RBMS3: variants seen among roughly 807,000 people sequenced by gnomAD.
RBMS3 encodes the protein RNA binding motif single stranded interacting protein 3.
A neutral mutation model predicts 66.8 loss-of-function variants in RBMS3; 27 were observed. The observed-to-expected ratio is 0.40, with a 90% CI of 0.30 to 0.56. The LOEUF is 0.56. Ranked by LOEUF, RBMS3 falls within the 20% of genes least tolerant of loss-of-function variation. The pLI is 0.40. For synonymous variants in RBMS3, 188 were observed against 183.0 expected (o/e 1.03, Z -0.22); for missense variants, 513 against 549.5 (o/e 0.93, Z 0.66).
chr3:29,493,168 A>T (rs1480604116), intron 3 of RBMS3, among the ~76,000 whole-genome samples: 1 of 152,236 alleles, frequency 6.6e-6, no homozygotes, highest in Non-Finnish European at 1.5e-5. Context: ...TTAAAATGGT[A>T]GTCATAAAGA....
At chr3:29,311,066 A>G (rs2034344359) in intron 1 of RBMS3, among the ~76,000 whole-genome samples, 2 of 151,916 alleles carry the variant, frequency 1.3e-5, no homozygotes, top group Non-Finnish European at 2.9e-5. Context: ...TCTGTGGTCC[A>G]TGCCATAGGC....
chr3:29,866,953 G>A (rs976622103), intron 6 of RBMS3, among the ~76,000 whole-genome samples: 2 of 152,186 alleles, frequency 1.3e-5, no homozygotes, highest in African/African-American at 4.8e-5. Context: ...CTCTGTATAG[G>A]GCAGAAATGA....
chr3:29,778,979 T>C (rs895852958), intron 6 of RBMS3, among the ~76,000 whole-genome samples: 1 of 151,864 alleles, frequency 6.6e-6, no homozygotes, highest in Admixed American at 6.6e-5. Context: ...CCTTCTTCCC[T>C]ACATGATACA....
At chr3:29,557,344 A>T (rs547375809) in intron 3 of RBMS3, among the ~76,000 whole-genome samples, 110 of 152,318 alleles carry the variant, frequency 7.2e-4, no homozygotes, top group African/African-American at 2.4e-3. Context: ...GTTGTTTTTC[A>T]AGGTAGCCAA....
At chr3:29,934,332 T>C (rs2061210633) in intron 10 of RBMS3, among the ~76,000 whole-genome samples, 1 of 151,980 alleles carries the variant, frequency 6.6e-6, no homozygotes, top group African/African-American at 2.4e-5. Flanking sequence ...GCTTCAGGAC[T>C]TCCATCTTAA....
intron 3 of RBMS3, among the ~76,000 whole-genome samples, chr3:29,505,909 A>C (rs1057210488): frequency 6.6e-6 from 1 of 150,664 alleles, no homozygotes; most frequent in African/African-American, 2.4e-5. Flanking sequence ...ATATTACTAT[A>C]TTGTATGTTG....
intron 3 of RBMS3, among the ~76,000 whole-genome samples, chr3:29,493,597 T>C (rs3821567): frequency 0.044 from 6,774 of 152,248 alleles, 253 homozygotes; most frequent in Admixed American, 0.096. Context: ...TTATTATTAT[T>C]ATCTTAACAT....
intron 3 of RBMS3, among the ~76,000 whole-genome samples, chr3:29,527,695 AT>A (rs2045184741): frequency 6.6e-6 from 1 of 152,172 alleles, no homozygotes; most frequent in Non-Finnish European, 1.5e-5. Flanking sequence ...CTGATTTATA[AT>A]TAGACTTTTC....
At chr3:29,841,638 T>A (rs1481082960) in intron 6 of RBMS3, among the ~76,000 whole-genome samples, 1 of 152,026 alleles carries the variant, frequency 6.6e-6, no homozygotes, top group African/African-American at 2.4e-5. Flanking sequence ...TGAATAACAA[T>A]AATTAGTAGT....
At chr3:29,995,631 G>T (rs1205303573) in intron 14 of RBMS3, among the ~76,000 whole-genome samples, 1 of 151,780 alleles carries the variant, frequency 6.6e-6, no homozygotes, top group Non-Finnish European at 1.5e-5. Context: ...TTAAAGAAAA[G>T]AATTTTCAAT....
At chr3:29,784,138 T>C (rs1371589643) in intron 6 of RBMS3, among the ~76,000 whole-genome samples, 1 of 152,040 alleles carries the variant, frequency 6.6e-6, no homozygotes, top group African/African-American at 2.4e-5. Flanking sequence ...AGACAGGTCA[T>C]CAAGACAGAA....
chr3:29,526,281 G>A (rs887199094), intron 3 of RBMS3: 2 of 152,120 alleles, frequency 1.3e-5, no homozygotes, highest in Non-Finnish European at 2.9e-5. Context: ...AGCACTTTGG[G>A]AGGCCGAGGC....
chr3:29,974,537 C>T (rs1023022491), intron 12 of RBMS3, among the ~76,000 whole-genome samples: 4 of 151,724 alleles, frequency 2.6e-5, no homozygotes, highest in African/African-American at 9.7e-5. Flanking sequence ...ATGGATCCAT[C>T]ATCCACATCA....
At chr3:29,909,649 C>T (rs1024983164) in intron 10 of RBMS3, among the ~76,000 whole-genome samples, 2 of 152,010 alleles carry the variant, frequency 1.3e-5, no homozygotes, top group African/African-American at 4.8e-5. Flanking sequence ...CTGCCAAGTG[C>T]TAGGCACCAA....
intron 3 of RBMS3, among the ~76,000 whole-genome samples, chr3:29,523,044 T>C (rs2044928294): frequency 2.0e-5 from 3 of 152,348 alleles, no homozygotes; most frequent in African/African-American, 7.2e-5. Context: ...TACAAGAGCC[T>C]TGTGAAGTAA....
At chr3:29,556,332 G>C (rs182901170) in intron 3 of RBMS3, 2 of 152,304 alleles carry the variant, frequency 1.3e-5, no homozygotes, top group Admixed American at 6.5e-5. Flanking sequence ...AGCCGGGCGC[G>C]GTGGCTCACG....
Position 29,739,816 on chromosome 3 carries a change from G to A in RBMS3, c.496G>A (p.Val166Ile), listed in dbSNP as rs2054554597. 1 of 1,613,160 alleles carries A rather than the reference G, an allele frequency of 6.2e-7. No individual in the cohort carries two copies. The highest frequency in any genetic ancestry group is 1.3e-5 in the African/African-American group (1 of 74,874). Reference sequence around the variant, plus strand: ...GAATATGCTGAAACCCTTTGGACATGTCATTTCCACAAGAATACTAAGAGA... The same window carrying A: ...GAATATGCTGAAACCCTTTGGACATATCATTTCCACAAGAATACTAAGAGA... ...LENMLKPFGH[V>I]ISTRILRDAN... The change falls in exon 5 of 15, where the codon GTC becomes ATC. Residue 166 changes from valine (V) to isoleucine (I), a missense_variant. Val to Ile is a conservative substitution (Grantham distance 29). Coordinates refer to ENST00000383767, the MANE Select transcript of RBMS3 (RefSeq NM_001003793.3).
At chr3:29,740,399 C>A (rs2054583777) in intron 5 of RBMS3, among the ~76,000 whole-genome samples, 1 of 152,052 alleles carries the variant, frequency 6.6e-6, no homozygotes, top group African/African-American at 2.4e-5. Context: ...AAGCCATTTG[C>A]ATTTAAGAGG....
At position 29,333,087 on chromosome 3, in the gene RBMS3, C is replaced by A. The variant is rs561019321; in HGVS notation, c.75+51331C>A. On this transcript the variant is annotated intron_variant, in intron 1 of 14. Coordinates refer to ENST00000383767, the MANE Select transcript of RBMS3 (RefSeq NM_001003793.3). ...TACCTAGTAACCATGTACTTTTTTT[C>A]ATTAGGATTCCTCTTAAATTTGTAT... 8.9e-4 allele frequency among the ~76,000 whole-genome samples: 136 copies of A among 151,996 alleles called. 1 individual carries two copies. The highest frequency in any genetic ancestry group is 3.2e-3 in the African/African-American group (133 of 41,504).
Sources: gnomAD v4.1 joint callset for allele counts (sites outside exome capture counted in the v4.1 genomes callset) on GRCh38, gnomAD v4.1.1 for gene constraint, MANE v1.5 for transcripts, NCBI Gene and HGNC (gene_info 2026-07-23, HGNC 2026-07-21) for gene names.